The following BRAT1 variants were observed in gnomAD, a reference collection of about 807,000 sequenced individuals.
BRAT1 encodes BRCA1 associated ATM activator 1.
In BRAT1, 74 loss-of-function variants were observed where a neutral mutation model predicts 70.6. The observed-to-expected ratio is 1.05, with a 90% CI of 0.87 to 1.27. BRAT1 has a LOEUF of 1.27. BRAT1 is among the 50% of genes most tolerant of loss of function. The pLI, the probability that BRAT1 is intolerant of heterozygous loss-of-function variation, is 0.00. For missense variants in BRAT1, 1,203 were observed against 1,098.2 expected (o/e 1.10, Z -1.35); for synonymous variants, 615 against 517.1 (o/e 1.19, Z -2.57).
chr7:2,538,762 G>C lies in BRAT1; in HGVS notation c.1773C>G (p.Ser591Arg). The C allele has an allele frequency of 6.3e-7, 1 of 1,598,294 alleles. No homozygotes were observed. The highest frequency in any genetic ancestry group is 8.5e-7 in the Non-Finnish European group (1 of 1,179,838). ...TSPEHAEARQ[S>R]LFLELLHILS... ...GGATGTGCAGGAGCTCCAGGAACAGGCTCTGGGGGACAGGGAGCAAGTGCG... is the reference window on the plus strand; with the variant it reads ...GGATGTGCAGGAGCTCCAGGAACAGCCTCTGGGGGACAGGGAGCAAGTGCG... The change falls in exon 14 of 14, where the codon AGC (serine) becomes AGG (arginine). Residue 591 changes from serine (S) to arginine (R), a missense_variant and splice_region_variant. Physicochemically the swap from Ser to Arg is moderately radical, Grantham distance 110 (BLOSUM62 -1). Transcript: ENST00000340611.
chr7:2,555,460 C>A (rs2128417585), intron 1 of BRAT1, 27 bp downstream of exon 1: 1 of 152,442 alleles, frequency 6.6e-6, no homozygotes, highest in Non-Finnish European at 1.5e-5. Context: ...ACCACGACCT[C>A]GACCCCCGAA....
intron 1 of BRAT1, among the ~76,000 whole-genome samples, chr7:2,554,967 G>C (rs1325108243): frequency 6.7e-6 from 1 of 150,166 alleles, no homozygotes; most frequent in South Asian, 2.1e-4. Flanking sequence ...CCGTGTGTCT[G>C]TCCCTCTCAG....
Position 2,541,032 on chromosome 7 carries a change from G to A in BRAT1, c.1342C>T (p.Gln448Ter). 6.4e-7 allele frequency: 1 copy of A among 1,572,030 alleles called. No individual in the cohort carries two copies. The highest frequency in any genetic ancestry group is 8.6e-7 in the Non-Finnish European group (1 of 1,168,174). Residue 448 changes from glutamine (Q) to a stop codon, truncating the protein, a stop_gained, in exon 10 of 14, where the codon CAG becomes TAG. Coordinates refer to ENST00000340611, the MANE Select transcript of BRAT1 (RefSeq NM_152743.4). LOFTEE classifies it high-confidence loss of function. ...QGTGPQELVT[Q>*]ALAVLLECLE... ...CACTCCAGGAGGACAGCAAGCGCCT[G>A]CGTCACCAGCTCCTGGGGGCCTGAG...
rs752723442 is a variant in BRAT1 at position 2,541,398 on chromosome 7, A to G, written c.1221T>C (p.Pro407=). The G allele has an allele frequency of 6.2e-7, 1 of 1,602,870 alleles. No homozygotes were observed. Among genetic ancestry groups the G allele is most frequent in the Non-Finnish European group, 8.5e-7 (1 of 1,176,968 alleles). The part of the protein sequence containing the change: ...VLRLCDGSAA[P]ASSVGGHLCG... ...AGAGGTGGCCCCCCACACTGGAGGC[A>G]GGGGCAGCCGAGCCGTCACAGAGCC... Residue 407 remains proline, a synonymous_variant, in exon 9 of 14, where the codon CCT becomes CCC. Coordinates refer to ENST00000340611, the MANE Select transcript of BRAT1 (RefSeq NM_152743.4).
chr7:2,537,854 A>T lies in BRAT1; in HGVS notation c.*215T>A. 1.3e-6 allele frequency: 1 copy of T among 742,812 alleles called. No homozygotes were observed. The highest frequency in any genetic ancestry group is 1.9e-6 in the Non-Finnish European group (1 of 518,178). 46.0% of individuals were successfully genotyped at this position (742,812 alleles called of 1,614,324 possible). Reference sequence around the variant, plus strand: ...TATTAAATTAACTCAAAAAGGGTTAAAGAAAGACTTCAATGCCATTTATTT... The same window carrying T: ...TATTAAATTAACTCAAAAAGGGTTATAGAAAGACTTCAATGCCATTTATTT... On this transcript the variant is annotated 3_prime_UTR_variant, in exon 14 of 14. Coordinates refer to ENST00000340611, the MANE Select transcript of BRAT1 (RefSeq NM_152743.4).
intron 2 of BRAT1, among the ~76,000 whole-genome samples, chr7:2,551,261 C>CTATATATAGATCTATATATAGA (rs1779983993): frequency 1.1e-4 from 16 of 147,934 alleles, no homozygotes; most frequent in African/African-American, 3.8e-4. Context: ...AAATCTATAT[C>CTATATATAGATCTATATATAGA]TATATATATA....
intron 2 of BRAT1, 80 bp from the exon 3 acceptor site, chr7:2,547,558 A>G (rs1779708214): frequency 4.0e-6 from 6 of 1,485,000 alleles, no homozygotes; most frequent in Non-Finnish European, 5.6e-6. Flanking sequence ...TCTCCTAGCA[A>G]TTCCCAGACC....
Position 2,543,662 on chromosome 7 carries a change from A to G in BRAT1, c.731T>C (p.Val244Ala). The G allele has an allele frequency of 6.4e-7, 1 of 1,557,032 alleles. No individual in the cohort carries two copies. The highest frequency in any genetic ancestry group is 8.7e-7 in the Non-Finnish European group (1 of 1,146,146). ...EALWVRLSPRVACLLERDPIP... is the reference protein window; with the variant it reads ...EALWVRLSPRAACLLERDPIP... Reference sequence around the variant, plus strand: ...GGGGTCTCTCTCCAGCAGACAGGCCACGCGGGGACTCAGCCGCACCCACAG... The same window carrying G: ...GGGGTCTCTCTCCAGCAGACAGGCCGCGCGGGGACTCAGCCGCACCCACAG... The change falls in exon 5 of 14, where the codon GTG becomes GCG. Residue 244 changes from valine to alanine, a missense_variant. Transcript: ENST00000340611. The surrounding 1 kb of genome is among the most constrained non-coding windows in gnomAD (Gnocchi z 5.5).
chr7:2,543,125 T>C lies in BRAT1; in HGVS notation c.923+79A>G, dbSNP rs1310329904. ...CCTGGTGTCCGGAACTCCCCTGCCATGAGGGCTGCGCTCTCAACCTCCCTG... is the reference window on the plus strand; with the variant it reads ...CCTGGTGTCCGGAACTCCCCTGCCACGAGGGCTGCGCTCTCAACCTCCCTG... On this transcript the variant is annotated intron_variant, in intron 6 of 13. Coordinates refer to ENST00000340611, the MANE Select transcript of BRAT1 (RefSeq NM_152743.4). This position sits in a 1 kb window ranked among gnomAD's most constrained non-coding sequence, Gnocchi z 5.5. The C allele has an allele frequency of 5.5e-6, 8 of 1,465,524 alleles. No homozygotes were observed. Among genetic ancestry groups the C allele is most frequent in the Non-Finnish European group, 7.2e-6 (8 of 1,104,700 alleles). The allele number at this position is 1,465,524 out of a possible 1,614,324, so 90.8% of individuals were successfully genotyped here.
chr7:2,543,383 C>A lies in BRAT1; in HGVS notation c.804-60G>T. 1 of 1,517,150 alleles carries A rather than the reference C, an allele frequency of 6.6e-7. No homozygotes were observed. Among genetic ancestry groups the A allele is most frequent in the Non-Finnish European group, 8.8e-7 (1 of 1,132,766 alleles). The allele number at this position is 1,517,150 out of a possible 1,614,324, so 94.0% of individuals were successfully genotyped here. A position where few individuals can be genotyped will look rare whatever the true frequency, so the allele number is the denominator to read the frequency against. On this transcript the variant is annotated intron_variant, in intron 5 of 13. Transcript: ENST00000340611. The surrounding 1 kb of genome is among the most constrained non-coding windows in gnomAD (Gnocchi z 5.5). ...CCACCCTCAAAACCCCATTCGAGGCCTGGCTGAGACTGCCATGGCTCCGGC... is the reference window on the plus strand; with the variant it reads ...CCACCCTCAAAACCCCATTCGAGGCATGGCTGAGACTGCCATGGCTCCGGC...
chr7:2,545,723 C>T (rs1319515771), intron 3 of BRAT1, among the ~76,000 whole-genome samples: 2 of 152,150 alleles, frequency 1.3e-5, no homozygotes, highest in Non-Finnish European at 2.9e-5. Flanking sequence ...CTCCTGACCT[C>T]AGGTGATCCG....
Position 2,543,938 on chromosome 7 carries a change from A to C in BRAT1, c.455T>G (p.Leu152Arg). ...CACAAACAGGCTGGAGTCTCCCTGC[A>C]GGGAGAAGATGGTGTCGACCGCACC... is the stretch of plus-strand genomic sequence containing the variant. The part of the protein sequence containing the change: ...DHGAVDTIFS[L>R]QGDSSLFVAS... The change falls in exon 5 of 14, where the codon CTG (leucine) becomes CGG (arginine). Residue 152 changes from leucine (L) to arginine (R), a missense_variant. Transcript: ENST00000340611. This position sits in a 1 kb window ranked among gnomAD's most constrained non-coding sequence, Gnocchi z 5.5. 1 of 1,591,338 alleles carries C rather than the reference A, an allele frequency of 6.3e-7. No homozygotes were observed. The highest frequency in any genetic ancestry group is 1.1e-5 in the South Asian group (1 of 89,714).
intron 4 of BRAT1, chr7:2,544,186 C>A: frequency 3.2e-6 from 1 of 316,092 alleles, no homozygotes; most frequent in Non-Finnish European, 5.7e-6. Flanking sequence ...CTTCCCAATT[C>A]GTTCCTTCTT....
At chr7:2,544,146 C>A (rs1431383363) in intron 4 of BRAT1, 184 bp from the exon 5 acceptor site, 4 of 477,330 alleles carry the variant, frequency 8.4e-6, no homozygotes, top group Non-Finnish European at 1.5e-5. Context: ...CCTCCTCCCC[C>A]CGAGCGTTAA....
At position 2,541,395 on chromosome 7, in the gene BRAT1, G is replaced by A. The variant is rs759689169; in HGVS notation, c.1224C>T (p.Ala408=). ...LRLCDGSAAP[A]SSVGGHLCGT... is the part of the protein sequence containing the mutation. Reference sequence around the variant, plus strand: ...CACAGAGGTGGCCCCCCACACTGGAGGCAGGGGCAGCCGAGCCGTCACAGA... The same window carrying A: ...CACAGAGGTGGCCCCCCACACTGGAAGCAGGGGCAGCCGAGCCGTCACAGA... Residue 408 remains alanine (A), a synonymous_variant, in exon 9 of 14, where the codon GCC becomes GCT. Transcript: ENST00000340611. 1.2e-5 allele frequency: 20 copies of A among 1,604,356 alleles called. No homozygotes were observed. The highest frequency in any genetic ancestry group is 2.2e-5 in the East Asian group (1 of 44,628).
intron 2 of BRAT1, among the ~76,000 whole-genome samples, chr7:2,550,833 T>C (rs1276663296): frequency 6.6e-6 from 1 of 152,182 alleles, no homozygotes; most frequent in Non-Finnish European, 1.5e-5. Flanking sequence ...AACTGTTGAA[T>C]TGGTACCATT....
intron 2 of BRAT1, among the ~76,000 whole-genome samples, chr7:2,553,399 T>C (rs1780182696): frequency 6.6e-6 from 1 of 152,146 alleles, no homozygotes; most frequent in Admixed American, 6.6e-5. Flanking sequence ...TTCAATTAAT[T>C]ATGGTCTATT....
chr7:2,555,339 G>A (rs1441698571), intron 1 of BRAT1, 148 bp downstream of exon 1: 2 of 152,264 alleles, frequency 1.3e-5, no homozygotes, highest in South Asian at 2.1e-4. Context: ...GCCAGAGCAG[G>A]CGGCCACAGT....
At chr7:2,553,017 T>C (rs1036014810) in intron 2 of BRAT1, among the ~76,000 whole-genome samples, 1 of 152,040 alleles carries the variant, frequency 6.6e-6, no homozygotes, top group African/African-American at 2.4e-5. Flanking sequence ...GTGCTGGGAT[T>C]ACAGGCTTGA....
Sources: gnomAD v4.1 joint callset for allele counts (sites outside exome capture counted in the v4.1 genomes callset) on GRCh38, gnomAD v4.1.1 for gene constraint, Gnocchi (gnomAD v3.1) non-coding constraint, MANE v1.5 for transcripts, NCBI Gene and HGNC (gene_info 2026-07-23, HGNC 2026-07-21) for gene names.